The following SLC39A11 variants were observed in gnomAD, a reference collection of about 807,000 sequenced individuals.
The protein encoded by SLC39A11 is solute carrier family 39 member 11.
SLC39A11 carries 33 observed loss-of-function variants against 36.1 expected under a neutral mutation model. That is an observed-to-expected ratio of 0.91 (90% CI 0.69 to 1.22). The LOEUF (loss-of-function observed/expected upper bound fraction) is 1.22, where lower values mean the gene tolerates loss of function less well. SLC39A11 is among the 50% of genes most tolerant of loss of function. The probability of loss-of-function intolerance (pLI) is 0.00; values close to 1 mark genes in which losing one functional copy is unlikely to be tolerated. For synonymous variants in SLC39A11, 166 were observed against 170.3 expected (o/e 0.97, Z 0.20); for missense variants, 432 against 430.3 (o/e 1.00, Z -0.03).
chr17:72,669,955 T>TATATATACGTATAGATGTATATACAC (rs1567926967), intron 7 of SLC39A11, among the ~76,000 whole-genome samples: 4 of 147,084 alleles, frequency 2.7e-5, no homozygotes, highest in Admixed American at 6.7e-5. Context: ...TATATACACA[T>TATATATACGTATAGATGTATATACAC]ATATATACGT....
At chr17:72,713,175 G>A (rs939438270) in intron 7 of SLC39A11, among the ~76,000 whole-genome samples, 1 of 152,144 alleles carries the variant, frequency 6.6e-6, no homozygotes, top group African/African-American at 2.4e-5. Flanking sequence ...GTTCGTGGTG[G>A]AGACTTCTGG....
Position 72,744,798 on chromosome 17 carries a change from C to T in SLC39A11, c.602-8079G>A, listed in dbSNP as rs1257091026. ...GCCTAATCACCTCCCCAAAGCCTCA[C>T]TTCCTGATACCATCGCATTGGGGGT... is the stretch of plus-strand genomic sequence containing the variant. On this transcript the variant is annotated intron_variant, in intron 6 of 9. Coordinates refer to ENST00000255559, the MANE Select transcript of SLC39A11 (RefSeq NM_139177.4). Among the ~76,000 whole-genome samples the T allele has an allele frequency of 2.0e-5, 3 of 152,344 alleles. No homozygotes were observed. The East Asian group carries it at 5.8e-4, about 29-fold the overall frequency.
At chr17:73,020,374 A>T (rs2058300913) in intron 4 of SLC39A11, among the ~76,000 whole-genome samples, 1 of 152,214 alleles carries the variant, frequency 6.6e-6, no homozygotes, top group Admixed American at 6.5e-5. Flanking sequence ...GAACACAAGA[A>T]GGTGGCCATC....
intron 7 of SLC39A11, among the ~76,000 whole-genome samples, chr17:72,725,285 G>T (rs1250244829): frequency 2.6e-5 from 4 of 152,132 alleles, no homozygotes; most frequent in Admixed American, 2.6e-4. Context: ...GCTTGGAGTA[G>T]CTTCTGACAC....
chr17:72,727,916 T>C (rs2073999527), intron 7 of SLC39A11, among the ~76,000 whole-genome samples: 1 of 152,154 alleles, frequency 6.6e-6, no homozygotes, highest in Non-Finnish European at 1.5e-5. Context: ...GCCTGTCTTC[T>C]TCCCAGGTCA....
At chr17:72,805,280 T>C (rs1011738046) in intron 6 of SLC39A11, among the ~76,000 whole-genome samples, 13 of 152,134 alleles carry the variant, frequency 8.5e-5, no homozygotes, top group Non-Finnish European at 2.9e-5. Context: ...GATGGAATTG[T>C]TGAACAAGCC....
At position 72,959,345 on chromosome 17, in the gene SLC39A11, A is replaced by G. The variant is rs1366716363; in HGVS notation, c.307-11470T>C. On this transcript the variant is annotated intron_variant, in intron 4 of 9. Transcript: ENST00000255559. ...TGTGTGTATATATATATATATATATATATATATATATATATATATATGATC... is the reference window on the plus strand; with the variant it reads ...TGTGTGTATATATATATATATATATGTATATATATATATATATATATGATC... 7.8e-4 allele frequency among the ~76,000 whole-genome samples: 105 copies of G among 134,716 alleles called. 1 individual carries two copies. The highest frequency in any genetic ancestry group is 2.9e-3 in the African/African-American group (98 of 33,474). The allele number at this position is 134,716 out of a possible 152,430, so 88.4% of individuals were successfully genotyped here. A position where few individuals can be genotyped will look rare whatever the true frequency, so the allele number is the denominator to read the frequency against.
In SLC39A11 at chr17:72,863,898, G is replaced by A. The variant is rs567462293; in HGVS notation, c.431-14094C>T. 3.3e-5 allele frequency among the ~76,000 whole-genome samples: 5 copies of A among 152,052 alleles called. No individual in the cohort carries two copies. The East Asian group carries it at 5.8e-4, about 18-fold the overall frequency. On this transcript the variant is annotated intron_variant, in intron 5 of 9. Coordinates refer to ENST00000255559, the MANE Select transcript of SLC39A11 (RefSeq NM_139177.4). Reference sequence around the variant, plus strand: ...CCTCCTTTTTCCCCTTTCCATTCACGTCACCAAATGACTTTAACCATCCCT... The same window carrying A: ...CCTCCTTTTTCCCCTTTCCATTCACATCACCAAATGACTTTAACCATCCCT...
chr17:72,937,725 C>T (rs746587979), intron 5 of SLC39A11, among the ~76,000 whole-genome samples: 8 of 152,246 alleles, frequency 5.3e-5, no homozygotes, highest in Non-Finnish European at 5.9e-5. Context: ...TTTATGTGTA[C>T]GACAGGGCCT....
chr17:72,920,594 C>T (rs886377104), intron 5 of SLC39A11, among the ~76,000 whole-genome samples: 8 of 150,574 alleles, frequency 5.3e-5, no homozygotes, highest in Non-Finnish European at 7.4e-5. Context: ...CACCCTCTTC[C>T]CACCCCCTCT....
intron 5 of SLC39A11, among the ~76,000 whole-genome samples, chr17:72,903,021 C>T (rs8070305): frequency 0.026 from 4,008 of 152,152 alleles, 181 homozygotes; most frequent in African/African-American, 0.091. Context: ...AATCCCAACA[C>T]TTTGGGAGGC....
chr17:72,795,474 G>C (rs932929309), intron 6 of SLC39A11, among the ~76,000 whole-genome samples: 5 of 152,128 alleles, frequency 3.3e-5, no homozygotes, highest in African/African-American at 9.7e-5. Flanking sequence ...TAGCACAACA[G>C]AGCAACCAAG....
chr17:72,723,321 A>AGTGTGTGTGTGT lies in SLC39A11; in HGVS notation c.671+13317_671+13328dup, dbSNP rs10570164. On this transcript the variant is annotated intron_variant, in intron 7 of 9. Transcript: ENST00000255559. The stretch of plus-strand genomic sequence containing the variant: ...TTCTTTGTCTTTGTAGGAGTGTAAG[A>AGTGTGTGTGTGT]GTGTGTGTGTGTGTGTGTGTGTGTG... Among the ~76,000 whole-genome samples, 365 of 148,542 alleles carry AGTGTGTGTGTGT rather than the reference A, an allele frequency of 2.5e-3. 2 individuals are homozygous for AGTGTGTGTGTGT. Among genetic ancestry groups the AGTGTGTGTGTGT allele is most frequent in the African/African-American group, 8.1e-3 (323 of 40,108 alleles).
chr17:72,893,461 GA>G (rs1040604801), intron 5 of SLC39A11, among the ~76,000 whole-genome samples: 2 of 150,820 alleles, frequency 1.3e-5, no homozygotes, highest in Admixed American at 6.7e-5. Context: ...CTGTCTCAGG[GA>G]AAAAAAATAT....
intron 2 of SLC39A11, among the ~76,000 whole-genome samples, chr17:73,086,878 C>G (rs759085456): frequency 6.6e-6 from 1 of 151,424 alleles, no homozygotes; most frequent in Non-Finnish European, 1.5e-5. Context: ...ACCAGCGAAA[C>G]CCCGTCTCTA....
At chr17:73,073,269 T>G (rs183935873) in intron 3 of SLC39A11, among the ~76,000 whole-genome samples, 7 of 152,278 alleles carry the variant, frequency 4.6e-5, no homozygotes, top group African/African-American at 1.7e-4. Context: ...AGTGCCAGTG[T>G]CTTGTAGCAT....
At chr17:72,938,865 A>T (rs192830617) in intron 5 of SLC39A11, among the ~76,000 whole-genome samples, 1 of 152,238 alleles carries the variant, frequency 6.6e-6, no homozygotes, top group Non-Finnish European at 1.5e-5. Flanking sequence ...TAAATTTTGC[A>T]TAAGGAGACT....
chr17:72,648,101 A>G (rs563679774), intron 9 of SLC39A11, among the ~76,000 whole-genome samples: 1 of 152,260 alleles, frequency 6.6e-6, no homozygotes, highest in Non-Finnish European at 1.5e-5. Flanking sequence ...AGGCCGAGGC[A>G]GGCAGATCAC....
In SLC39A11 at chr17:72,917,371, G is replaced by A. The variant is rs16977434; in HGVS notation, c.430+30381C>T. Among the ~76,000 whole-genome samples the A allele has an allele frequency of 8.3e-3, 1,270 of 152,284 alleles. 15 individuals carry two copies. The highest frequency in any genetic ancestry group is 0.029 in the African/African-American group (1,190 of 41,566). On this transcript the variant is annotated intron_variant, in intron 5 of 9. Transcript: ENST00000255559. ...ATCCCTGCTCTCTGGGATTTATCTC[G>A]CGGCAAAATGCTCCTACCTAAATGG... is the stretch of plus-strand genomic sequence containing the variant.
Sources: allele counts gnomAD v4.1 joint callset (sites outside exome capture counted in the v4.1 genomes callset), GRCh38; gene constraint gnomAD v4.1.1; transcripts MANE v1.5; gene names NCBI Gene and HGNC (gene_info 2026-07-23, HGNC 2026-07-21).